Variants in UNC13C observed in about 807,000 individuals in gnomAD.
The protein encoded by UNC13C is protein unc-13 homolog C.
A neutral mutation model predicts 245.4 loss-of-function variants in UNC13C; 174 were observed. That is an observed-to-expected ratio of 0.71 (90% CI 0.63 to 0.80). UNC13C has a LOEUF of 0.80. Among genes scored for constraint, UNC13C ranks in the 30% least tolerant of loss-of-function variants. The probability of loss-of-function intolerance (pLI) is 0.00; values close to 1 mark genes in which losing one functional copy is unlikely to be tolerated. For synonymous variants in UNC13C, 992 were observed against 895.1 expected, an observed-to-expected ratio of 1.11 and a Z score of -1.93; for missense variants, 2,829 against 2,602.9, an observed-to-expected ratio of 1.09 and a Z score of -1.89.
At chr15:54,497,088 G>C (rs1893985382) in intron 20 of UNC13C, among the ~76,000 whole-genome samples, 1 of 152,052 alleles carries the variant, frequency 6.6e-6, no homozygotes, top group African/African-American at 2.4e-5. Flanking sequence ...AAACAGAGGA[G>C]CTATTTGCCA....
At chr15:54,281,300 A>G (rs1350284096) in intron 10 of UNC13C, among the ~76,000 whole-genome samples, 1 of 152,190 alleles carries the variant, frequency 6.6e-6, no homozygotes, top group Non-Finnish European at 1.5e-5. Flanking sequence ...CTTTTCTGAA[A>G]TAAGAAAGTT....
intron 2 of UNC13C, among the ~76,000 whole-genome samples, chr15:54,090,295 G>GA (rs1899493837): frequency 9.5e-6 from 1 of 104,724 alleles, no homozygotes; most frequent in African/African-American, 2.9e-5. Context: ...TGTTACTATA[G>GA]AAAACAAAAA....
intron 2 of UNC13C, among the ~76,000 whole-genome samples, chr15:54,027,429 C>T (rs1239958736): frequency 6.6e-6 from 1 of 151,866 alleles, no homozygotes; most frequent in East Asian, 1.9e-4. Context: ...AGTGCAGTGG[C>T]AGGATCTCGG....
the UNC13C span, among the ~76,000 whole-genome samples, chr15:53,962,069 T>C: frequency 6.6e-5 from 10 of 152,216 alleles, no homozygotes; most frequent in Non-Finnish European, 1.3e-4. Context: ...TCAAATAGCA[T>C]GAAATTTGAG....
chr15:54,313,111 G>A (rs1272532136), intron 13 of UNC13C, among the ~76,000 whole-genome samples: 2 of 151,686 alleles, frequency 1.3e-5, no homozygotes, highest in Admixed American at 6.6e-5. Context: ...AAATATTTCT[G>A]TCAGCTTTCT....
chr15:54,136,376 T>C (rs2031733724), intron 2 of UNC13C, among the ~76,000 whole-genome samples: 1 of 152,058 alleles, frequency 6.6e-6, no homozygotes, highest in African/African-American at 2.4e-5. Flanking sequence ...TTTCAGATAG[T>C]TTGTTATATT....
downstream of UNC13C, chr15:54,633,178 A>G (rs1901488129): frequency 6.6e-6 from 1 of 152,174 alleles, no homozygotes; most frequent in South Asian, 2.1e-4. Context: ...AAAAAAAAAT[A>G]ACAGCCTACT....
the UNC13C span, among the ~76,000 whole-genome samples, chr15:53,867,592 A>T: frequency 3.9e-5 from 6 of 152,160 alleles, no homozygotes; most frequent in African/African-American, 1.4e-4. Context: ...GAAAGTTATG[A>T]GTAATTGACA....
At chr15:54,197,088 C>T (rs2034377569) in intron 4 of UNC13C, among the ~76,000 whole-genome samples, 1 of 152,044 alleles carries the variant, frequency 6.6e-6, no homozygotes, top group Non-Finnish European at 1.5e-5. Flanking sequence ...AAAGGTATAA[C>T]ATTTGGAAAA....
chr15:53,993,127 A>T (rs1183596454), intron 1 of UNC13C, among the ~76,000 whole-genome samples: 1 of 152,082 alleles, frequency 6.6e-6, no homozygotes, highest in South Asian at 2.1e-4. Flanking sequence ...CTTCCTTGCT[A>T]TCAATTTTCT....
chr15:54,042,690 A>C (rs1896857935), intron 2 of UNC13C, among the ~76,000 whole-genome samples: 1 of 152,080 alleles, frequency 6.6e-6, no homozygotes, highest in Admixed American at 6.5e-5. Flanking sequence ...CGTCTCTACT[A>C]AAAATGCAAG....
intron 17 of UNC13C, among the ~76,000 whole-genome samples, chr15:54,371,228 C>T (rs1230149001): frequency 6.6e-6 from 1 of 152,114 alleles, no homozygotes; most frequent in Non-Finnish European, 1.5e-5. Context: ...ATTTTACTCT[C>T]GGCTTCTAAG....
intron 19 of UNC13C, among the ~76,000 whole-genome samples, chr15:54,422,584 T>C (rs2040670359): frequency 6.6e-6 from 1 of 151,978 alleles, no homozygotes; most frequent in Non-Finnish European, 1.5e-5. Context: ...AGCCACACTG[T>C]CCTCATGACT....
intron 5 of UNC13C, among the ~76,000 whole-genome samples, chr15:54,235,494 C>T (rs1392195018): frequency 9.2e-6 from 1 of 108,986 alleles, no homozygotes; most frequent in East Asian, 2.3e-4. Flanking sequence ...TACAGTGGAC[C>T]TGAATACTTT....
intron 1 of UNC13C, among the ~76,000 whole-genome samples, chr15:54,006,916 C>A (rs913119444): frequency 2.6e-5 from 4 of 152,128 alleles, no homozygotes; most frequent in African/African-American, 9.7e-5. Flanking sequence ...TGCACAGGGG[C>A]CCTCTTGCTC....
chr15:53,966,833 G>A, the UNC13C span, among the ~76,000 whole-genome samples: 4 of 151,438 alleles, frequency 2.6e-5, no homozygotes, highest in African/African-American at 9.7e-5. Context: ...TTCTTCTTTG[G>A]GGAAGGGGTT....
chr15:53,869,962 A>G, the UNC13C span, among the ~76,000 whole-genome samples: 1 of 152,202 alleles, frequency 6.6e-6, no homozygotes, highest in Non-Finnish European at 1.5e-5. Context: ...CAAGGTAAGG[A>G]TTAGACTGCT....
chr15:54,509,142 T>C (rs1949755701), intron 23 of UNC13C, among the ~76,000 whole-genome samples: 1 of 152,152 alleles, frequency 6.6e-6, no homozygotes, highest in Non-Finnish European at 1.5e-5. Flanking sequence ...GAGGTTGCAG[T>C]GAGCCAAGAT....
upstream of UNC13C, among the ~76,000 whole-genome samples, chr15:53,976,460 TCTCTC>T (rs1566926684): frequency 4.1e-5 from 4 of 97,662 alleles, no homozygotes; most frequent in Non-Finnish European, 8.0e-5. Flanking sequence ...TTCTTCTTTC[TCTCTC>T]TCTCTCTCTC....
Sources: gnomAD v4.1 joint callset for allele counts (sites outside exome capture counted in the v4.1 genomes callset) on GRCh38, gnomAD v4.1.1 for gene constraint, MANE v1.5 for transcripts, NCBI Gene and HGNC (gene_info 2026-07-23, HGNC 2026-07-21) for gene names.